The following SAMD3 variants were observed in gnomAD, a reference collection of about 807,000 sequenced individuals.
SAMD3 encodes sterile alpha motif domain containing 3.
Under a neutral mutation model 58.5 loss-of-function variants are expected in SAMD3, and 63 were observed. That is an observed-to-expected ratio of 1.08 (90% CI 0.88 to 1.33). SAMD3 has a LOEUF of 1.33. SAMD3 is among the 40% of genes most tolerant of loss of function. SAMD3 has a pLI of 0.00. For missense variants in SAMD3, 604 were observed against 608.4 expected, an observed-to-expected ratio of 0.99 and a Z score of 0.08; for synonymous variants, 220 against 210.3, an observed-to-expected ratio of 1.05 and a Z score of -0.40.
chr6:130,220,566 G>A (rs1796179397), intron 1 of SAMD3, among the ~76,000 whole-genome samples: 1 of 152,226 alleles, frequency 6.6e-6, no homozygotes, highest in Admixed American at 6.5e-5. Context: ...TGAAAAGCTG[G>A]ATGTGTGACT....
rs778481196 is a variant in SAMD3 at position 130,155,013 on chromosome 6, A to G, written c.835T>C (p.Cys279Arg). 39 of 1,612,666 alleles carry G rather than the reference A, an allele frequency of 2.4e-5. No homozygotes were observed. The highest frequency in any genetic ancestry group is 3.4e-6 in the Non-Finnish European group (4 of 1,179,326). The change falls in exon 9 of 12, where the codon TGT (cysteine) becomes CGT (arginine). Residue 279 changes from cysteine to arginine, a missense_variant. Cys to Arg is a radical substitution (Grantham distance 180, BLOSUM62 -3). Transcript: ENST00000439090. Reference protein sequence around the residue: ...KLVQIKEEAVCFDSELDEHIK... With the variant: ...KLVQIKEEAVRFDSELDEHIK... The stretch of plus-strand genomic sequence containing the variant: ...TGTTCATCTAGCTCAGAATCAAAAC[A>G]AACAGCTTCTTCCTGCAAAACATTT...
chr6:130,341,097 T>TA (rs1180920068), intron 1 of SAMD3, among the ~76,000 whole-genome samples: 1 of 151,990 alleles, frequency 6.6e-6, no homozygotes, highest in African/African-American at 2.4e-5. Context: ...CTCTCAGTGT[T>TA]ACTGTTTGTG....
intron 8 of SAMD3, among the ~76,000 whole-genome samples, chr6:130,171,080 G>T (rs1791205556): frequency 6.6e-6 from 1 of 150,750 alleles, no homozygotes; most frequent in East Asian, 1.9e-4. Context: ...CTATGGGTTT[G>T]TCATAACTAG....
At chr6:130,349,101 C>A (rs1290496397) in intron 1 of SAMD3, among the ~76,000 whole-genome samples, 2 of 152,066 alleles carry the variant, frequency 1.3e-5, no homozygotes, top group African/African-American at 4.8e-5. Context: ...AAATTCATAG[C>A]ACTAAATGCC....
Position 130,192,128 on chromosome 6 carries a change from C to T in SAMD3, c.384-7505G>A, listed in dbSNP as rs1381359360. On this transcript the variant is annotated intron_variant, in intron 5 of 11. Coordinates refer to ENST00000439090, the MANE Select transcript of SAMD3 (RefSeq NM_001017373.4). ...CTGTGAGCACTCAACTACATCTAGT[C>T]TCCTTATCTGTCTTGATTTTCCTAC... Among the ~76,000 whole-genome samples the T allele has an allele frequency of 2.0e-5, 3 of 152,220 alleles. No homozygotes were observed. The East Asian group carries it at 5.8e-4, about 29-fold the overall frequency.
chr6:130,231,765 T>C (rs1019165557), intron 2 of SAMD3, among the ~76,000 whole-genome samples: 2 of 152,168 alleles, frequency 1.3e-5, no homozygotes, highest in African/African-American at 4.8e-5. Flanking sequence ...ATTATTTCCT[T>C]GAGCAATCAG....
rs79363803 is a variant in SAMD3, at chr6:130,162,257, T to C, written c.823-7232A>G. 747 of 701,874 alleles carry C rather than the reference T, an allele frequency of 1.1e-3. 9 individuals are homozygous for C. The East Asian group carries it at 0.017, about 16-fold the overall frequency. The allele number at this position is 701,874 out of a possible 1,614,324, so 43.5% of individuals were successfully genotyped here. On this transcript the variant is annotated intron_variant, in intron 8 of 11. Transcript: ENST00000439090. ...ATAGCAGAGCATAGTTCTAGCCAAC[T>C]TTTAGTTTAAGCTGACAGCTGGAGC... is the stretch of plus-strand genomic sequence containing the variant.
chr6:130,180,045 C>G (rs1158719837), intron 7 of SAMD3, among the ~76,000 whole-genome samples: 2 of 151,004 alleles, frequency 1.3e-5, no homozygotes, highest in African/African-American at 4.9e-5. Context: ...GAACTCCTGA[C>G]CTCAGGTGAT....
chr6:130,144,417 G>A lies in SAMD3; in HGVS notation c.*103C>T. On this transcript the variant is annotated 3_prime_UTR_variant, in exon 12 of 12. Transcript: ENST00000439090. ...TCATTAGCATCTATAAATACAAGATGATTTTCTCATACCTACCTCTACCAC... is the reference window on the plus strand; with the variant it reads ...TCATTAGCATCTATAAATACAAGATAATTTTCTCATACCTACCTCTACCAC... 9.5e-7 allele frequency: 1 copy of A among 1,052,132 alleles called. No individual in the cohort carries two copies. Among genetic ancestry groups the A allele is most frequent in the Admixed American group, 2.6e-5 (1 of 38,222 alleles). The allele number at this position is 1,052,132 out of a possible 1,614,324, so 65.2% of individuals were successfully genotyped here.
intron 2 of SAMD3, among the ~76,000 whole-genome samples, chr6:130,288,594 G>A (rs1396466342): frequency 6.6e-6 from 1 of 152,230 alleles, no homozygotes; most frequent in Non-Finnish European, 1.5e-5. Context: ...TCGGCTTTGG[G>A]TAGGAGGAGG....
At chr6:130,340,916 T>C (rs1368411493) in intron 1 of SAMD3, among the ~76,000 whole-genome samples, 5 of 152,244 alleles carry the variant, frequency 3.3e-5, no homozygotes, top group Non-Finnish European at 7.3e-5. Context: ...TGAAGATGTT[T>C]GATTTCTGTG....
At chr6:130,260,255 G>A (rs1464247045) in intron 2 of SAMD3, among the ~76,000 whole-genome samples, 1 of 152,188 alleles carries the variant, frequency 6.6e-6, no homozygotes, top group Non-Finnish European at 1.5e-5. Context: ...AACCAGGCCT[G>A]GGCCTGCCTG....
intron 5 of SAMD3, among the ~76,000 whole-genome samples, chr6:130,206,395 C>T (rs570059664): frequency 6.6e-6 from 1 of 152,278 alleles, no homozygotes; most frequent in Non-Finnish European, 1.5e-5. Flanking sequence ...GCCAACTAGA[C>T]AGGGAAGCAG....
At chr6:130,255,161 TA>T (rs1328242115) in intron 2 of SAMD3, among the ~76,000 whole-genome samples, 1 of 152,258 alleles carries the variant, frequency 6.6e-6, no homozygotes, top group East Asian at 1.9e-4. Flanking sequence ...CAGAAAATGG[TA>T]CTTTATATGA....
chr6:130,348,321 T>C (rs569345319), intron 1 of SAMD3, among the ~76,000 whole-genome samples: 8 of 152,240 alleles, frequency 5.3e-5, no homozygotes, highest in Admixed American at 2.6e-4. Flanking sequence ...GTGTGCTGTA[T>C]TCAGGAAACC....
chr6:130,334,364 CTG>C (rs1438232575), intron 1 of SAMD3, among the ~76,000 whole-genome samples: 1 of 151,978 alleles, frequency 6.6e-6, no homozygotes, highest in Non-Finnish European at 1.5e-5. Context: ...CAAAAAAAGA[CTG>C]TGGTCCTCAC....
intron 1 of SAMD3, among the ~76,000 whole-genome samples, chr6:130,218,064 T>TA (rs1796082895): frequency 2.0e-5 from 3 of 152,192 alleles, no homozygotes. Context: ...TGGGAGGTGA[T>TA]AGTGTTGTAG....
At chr6:130,339,151 A>G (rs144424504) in intron 1 of SAMD3, among the ~76,000 whole-genome samples, 2,898 of 152,168 alleles carry the variant, frequency 0.019, 89 homozygotes, top group African/African-American at 0.065. Flanking sequence ...GGTTCATGCC[A>G]TTCTCCTGCC....
intron 5 of SAMD3, among the ~76,000 whole-genome samples, chr6:130,202,219 C>T (rs1794708190): frequency 6.6e-6 from 1 of 152,150 alleles, no homozygotes; most frequent in African/African-American, 2.4e-5. Flanking sequence ...GCTCTAATAT[C>T]ACCTAGTCAA....
Sources: gnomAD v4.1 joint callset for allele counts (sites outside exome capture counted in the v4.1 genomes callset) on GRCh38, gnomAD v4.1.1 for gene constraint, MANE v1.5 for transcripts, NCBI Gene and HGNC (gene_info 2026-07-23, HGNC 2026-07-21) for gene names.